Variants in ATRNL1 observed in about 807,000 individuals in gnomAD.
The protein encoded by ATRNL1 is attractin-like protein 1.
ATRNL1 carries 95 observed loss-of-function variants against 182.7 expected under a neutral mutation model. The ratio of observed to expected loss-of-function variants is 0.52; its 90% confidence interval spans 0.44 to 0.62. The LOEUF (loss-of-function observed/expected upper bound fraction) is 0.62. Ranked by LOEUF, ATRNL1 falls within the 20% of genes least tolerant of loss-of-function variation. The pLI, the probability that ATRNL1 is intolerant of heterozygous loss-of-function variation, is 0.00. For missense variants in ATRNL1, 1,471 were observed against 1,679.5 expected (o/e 0.88, Z 2.17); for synonymous variants, 576 against 568.3 (o/e 1.01, Z -0.19).
At chr10:115,146,639 T>C (rs1845984654) in intron 5 of ATRNL1, among the ~76,000 whole-genome samples, 1 of 152,126 alleles carries the variant, frequency 6.6e-6, no homozygotes, top group Non-Finnish European at 1.5e-5. Flanking sequence ...CTGTCCAGCC[T>C]CTGGTATCCA....
intron 27 of ATRNL1, among the ~76,000 whole-genome samples, chr10:115,761,427 C>T (rs1555073605): frequency 1.3e-5 from 2 of 151,580 alleles, no homozygotes; most frequent in African/African-American, 4.8e-5. Context: ...CCTGCTGATC[C>T]AGATATGTGT....
intron 1 of ATRNL1, among the ~76,000 whole-genome samples, chr10:115,102,103 A>G (rs1016236645): frequency 6.6e-6 from 1 of 152,148 alleles, no homozygotes; most frequent in African/African-American, 2.4e-5. Context: ...AGAGAAGGGT[A>G]TCTTCAGTTA....
chr10:115,349,473 C>A (rs1308985463), intron 19 of ATRNL1, among the ~76,000 whole-genome samples: 1 of 152,090 alleles, frequency 6.6e-6, no homozygotes, highest in Non-Finnish European at 1.5e-5. Context: ...TTGGATATAA[C>A]CAGTAGTAGA....
chr10:115,181,265 A>C (rs1847735858), intron 8 of ATRNL1, among the ~76,000 whole-genome samples: 1 of 151,806 alleles, frequency 6.6e-6, no homozygotes, highest in African/African-American at 2.4e-5. Context: ...GAGAAGGGAG[A>C]GGAAAGGGGA....
chr10:115,929,838 T>C (rs1462640494), intron 28 of ATRNL1, among the ~76,000 whole-genome samples: 1 of 152,144 alleles, frequency 6.6e-6, no homozygotes, highest in African/African-American at 2.4e-5. Context: ...GATGGGAAGT[T>C]GAACAGATTG....
At chr10:115,637,870 G>A (rs1858985712) in intron 26 of ATRNL1, among the ~76,000 whole-genome samples, 1 of 151,910 alleles carries the variant, frequency 6.6e-6, no homozygotes, top group Admixed American at 6.6e-5. Context: ...TGATCTGCCT[G>A]CCTTGGCCTC....
chr10:115,815,672 T>C (rs1275332913), intron 27 of ATRNL1, among the ~76,000 whole-genome samples: 1 of 152,080 alleles, frequency 6.6e-6, no homozygotes, highest in Non-Finnish European at 1.5e-5. Flanking sequence ...CTTTTCTCCT[T>C]GGTCTTTTAT....
At chr10:115,369,605 G>T (rs1479435148) in intron 19 of ATRNL1, among the ~76,000 whole-genome samples, 2 of 151,924 alleles carry the variant, frequency 1.3e-5, no homozygotes, top group Admixed American at 6.6e-5. Flanking sequence ...TGGGATTTTT[G>T]GATCATATGA....
At chr10:115,762,441 A>C (rs1280877901) in intron 27 of ATRNL1, among the ~76,000 whole-genome samples, 8 of 152,282 alleles carry the variant, frequency 5.3e-5, no homozygotes, top group Non-Finnish European at 8.8e-5. Context: ...GAAAAGTTCA[A>C]AATTAAGAAT....
intron 27 of ATRNL1, among the ~76,000 whole-genome samples, chr10:115,748,621 A>C (rs1053195204): frequency 3.1e-4 from 47 of 151,764 alleles, no homozygotes; most frequent in African/African-American, 1.1e-3. Flanking sequence ...TTTCTTTTTA[A>C]ATACATTTCT....
intron 26 of ATRNL1, among the ~76,000 whole-genome samples, chr10:115,629,009 T>G (rs1006857928): frequency 3.3e-5 from 5 of 152,314 alleles, no homozygotes; most frequent in Non-Finnish European, 5.9e-5. Context: ...CTCATTTTTA[T>G]TCCATTTCTA....
At chr10:115,297,585 C>T (rs922985155) in intron 15 of ATRNL1, among the ~76,000 whole-genome samples, 8 of 148,636 alleles carry the variant, frequency 5.4e-5, no homozygotes, top group East Asian at 2.0e-4. Context: ...GTGGAACTTG[C>T]AGTGAGCCAA....
At chr10:115,519,860 A>G (rs1850830200) in intron 25 of ATRNL1, among the ~76,000 whole-genome samples, 1 of 152,214 alleles carries the variant, frequency 6.6e-6, no homozygotes, top group African/African-American at 2.4e-5. Context: ...ATGTCATTCT[A>G]CAAGAGAGGT....
At position 115,789,477 on chromosome 10, in the gene ATRNL1, G is replaced by C. The variant is rs115289230; in HGVS notation, c.3904-58400G>C. ...GTGCTTGATGGTGCTGTTGATAATA[G>C]CACCCTGCGCTCCTCCCAGGGCACC... On this transcript the variant is annotated intron_variant, in intron 27 of 28. Transcript: ENST00000355044. Among the ~76,000 whole-genome samples, 633 of 152,248 alleles carry C rather than the reference G, an allele frequency of 4.2e-3. 5 individuals carry two copies. The highest frequency in any genetic ancestry group is 0.014 in the African/African-American group (594 of 41,534).
At chr10:115,142,402 T>C (rs1222170389) in intron 5 of ATRNL1, among the ~76,000 whole-genome samples, 1 of 152,154 alleles carries the variant, frequency 6.6e-6, no homozygotes, top group African/African-American at 2.4e-5. Context: ...GGAATTGAAT[T>C]ACTGATGGGG....
intron 8 of ATRNL1, among the ~76,000 whole-genome samples, chr10:115,202,109 T>TA (rs1301562893): frequency 1.3e-5 from 2 of 152,172 alleles, no homozygotes; most frequent in Non-Finnish European, 2.9e-5. Context: ...TGAAGTTGCT[T>TA]ATCAGCTTAA....
At chr10:115,301,537 A>G (rs1554924469) in intron 16 of ATRNL1, among the ~76,000 whole-genome samples, 2 of 152,326 alleles carry the variant, frequency 1.3e-5, no homozygotes, top group Non-Finnish European at 2.9e-5. Flanking sequence ...CTGGGAAAAA[A>G]TTGTGGCTGG....
Position 115,093,759 on chromosome 10 carries a change from T to G in ATRNL1, c.9T>G (p.Thr3=). Residue 3 remains threonine (T), a synonymous_variant, in exon 1 of 29, where the codon ACT becomes ACG. Coordinates refer to ENST00000355044, the MANE Select transcript of ATRNL1 (RefSeq NM_207303.4). This position sits in a 1 kb window ranked among gnomAD's most constrained non-coding sequence, Gnocchi z 6.1. ...CAGGGGCGCCGGGGAAGATGGAGACTGGGGGCCGGGCCCGCACTGGTACCC... is the reference window on the plus strand; with the variant it reads ...CAGGGGCGCCGGGGAAGATGGAGACGGGGGGCCGGGCCCGCACTGGTACCC... ME[T]GGRARTGTPQ... 7.1e-7 allele frequency: 1 copy of G among 1,414,878 alleles called. No homozygotes were observed. The highest frequency in any genetic ancestry group is 1.5e-5 in the African/African-American group (1 of 65,814). 87.6% of individuals were successfully genotyped at this position (1,414,878 alleles called of 1,614,324 possible). A position where few individuals can be genotyped will look rare whatever the true frequency, so the allele number is the denominator to read the frequency against.
chr10:115,806,819 C>T (rs1949929764), intron 27 of ATRNL1, among the ~76,000 whole-genome samples: 1 of 152,058 alleles, frequency 6.6e-6, no homozygotes, highest in Non-Finnish European at 1.5e-5. Flanking sequence ...TATAATAACA[C>T]TTATAGGGTT....
Sources: allele counts gnomAD v4.1 joint callset (sites outside exome capture counted in the v4.1 genomes callset), GRCh38; gene constraint gnomAD v4.1.1; non-coding constraint Gnocchi (gnomAD v3.1); transcripts MANE v1.5; gene names NCBI Gene and HGNC (gene_info 2026-07-23, HGNC 2026-07-21).